ULK4: variants seen among roughly 807,000 people sequenced by gnomAD.
ULK4 encodes the protein unc-51 like kinase 4.
Under a neutral mutation model 160.6 loss-of-function variants are expected in ULK4, and 133 were observed. That is an observed-to-expected ratio of 0.83 (90% confidence interval 0.72 to 0.96). The LOEUF is 0.96. Among genes scored for constraint, ULK4 ranks in the 40% least tolerant of loss-of-function variants. The probability of loss-of-function intolerance (pLI) is 0.00; values close to 1 mark genes in which losing one functional copy is unlikely to be tolerated. For missense variants in ULK4, 1,580 were observed against 1,499.5 expected (o/e 1.05, Z -0.89); for synonymous variants, 534 against 539.8 (o/e 0.99, Z 0.15).
intron 33 of ULK4, among the ~76,000 whole-genome samples, chr3:41,456,640 T>G (rs2083561077): frequency 6.6e-6 from 1 of 152,196 alleles, no homozygotes; most frequent in Non-Finnish European, 1.5e-5. Flanking sequence ...ATGAATAATT[T>G]TATATTAAAA....
chr3:41,774,669 T>A lies in ULK4; in HGVS notation c.2193+14992A>T, dbSNP rs531835309. On this transcript the variant is annotated intron_variant, in intron 21 of 36. Coordinates refer to ENST00000301831, the MANE Select transcript of ULK4 (RefSeq NM_017886.4). ...CCATTGTGGAAGTCAGTGTGGCGAT[T>A]CCTCAGGGATCTAGAACTAGAAATA... is the stretch of plus-strand genomic sequence containing the variant. Among the ~76,000 whole-genome samples, 5 of 150,004 alleles carry A rather than the reference T, an allele frequency of 3.3e-5. No individual in the cohort carries two copies. The South Asian group carries it at 1.0e-3, about 31-fold the overall frequency.
intron 17 of ULK4, among the ~76,000 whole-genome samples, chr3:41,852,617 A>C (rs1350788320): frequency 6.6e-6 from 1 of 152,166 alleles, no homozygotes; most frequent in African/African-American, 2.4e-5. Flanking sequence ...AGGGGGAAAC[A>C]GAGAAAACAG....
At chr3:41,460,324 T>G (rs2083654234) in intron 33 of ULK4, among the ~76,000 whole-genome samples, 1 of 152,178 alleles carries the variant, frequency 6.6e-6, no homozygotes, top group African/African-American at 2.4e-5. Context: ...ATAATAAATA[T>G]TTGTCTTCCC....
chr3:41,834,642 A>G (rs774399433), intron 18 of ULK4, among the ~76,000 whole-genome samples: 3 of 152,258 alleles, frequency 2.0e-5, no homozygotes, highest in Non-Finnish European at 4.4e-5. Context: ...TATAACAATC[A>G]TGGTAACTGC....
At chr3:41,506,781 T>A (rs12633476) in intron 32 of ULK4, among the ~76,000 whole-genome samples, 2,800 of 21,974 alleles carry the variant, frequency 0.13, 349 homozygotes, top group Non-Finnish European at 0.24. Context: ...TATATATATA[T>A]ATATATATAT....
chr3:41,684,934 C>T (rs1238044742), intron 27 of ULK4, among the ~76,000 whole-genome samples: 4 of 152,172 alleles, frequency 2.6e-5, no homozygotes, highest in African/African-American at 9.7e-5. Context: ...AGCTGAAATT[C>T]CTAGCAAGCT....
At chr3:41,486,712 C>G (rs942848668) in intron 32 of ULK4, among the ~76,000 whole-genome samples, 1 of 152,084 alleles carries the variant, frequency 6.6e-6, no homozygotes, top group African/African-American at 2.4e-5. Flanking sequence ...AAAGTCCTGA[C>G]CAATTTGGGC....
intron 21 of ULK4, among the ~76,000 whole-genome samples, chr3:41,782,043 G>T (rs1361147875): frequency 1.3e-5 from 2 of 151,966 alleles, no homozygotes; most frequent in Non-Finnish European, 2.9e-5. Flanking sequence ...TTTTTTTTAG[G>T]TTTGAAACTT....
intron 22 of ULK4, among the ~76,000 whole-genome samples, chr3:41,747,578 C>G (rs1023300022): frequency 6.6e-6 from 1 of 151,952 alleles, no homozygotes; most frequent in African/African-American, 2.4e-5. Context: ...ATGTTGAAGC[C>G]CTAACCCTCA....
intron 30 of ULK4, among the ~76,000 whole-genome samples, chr3:41,631,131 A>C (rs1343854640): frequency 6.6e-6 from 1 of 152,152 alleles, no homozygotes; most frequent in Non-Finnish European, 1.5e-5. Flanking sequence ...TTTCTCCTTG[A>C]AATGTTTGTC....
In ULK4 at chr3:41,912,787, CA is replaced by C. The variant is rs748928138; in HGVS notation, c.896+19del. 6.2e-7 allele frequency: 1 copy of C among 1,609,182 alleles called. No homozygotes were observed. Among genetic ancestry groups the C allele is most frequent in the Non-Finnish European group, 8.5e-7 (1 of 1,175,780 alleles). ...GTGTCCAGTAACTATGTCCCATACA[CA>C]AAGGTAAGTGTATACTACCTGAGAC... On this transcript the variant is annotated intron_variant, in intron 9 of 36. Transcript: ENST00000301831.
At chr3:41,421,771 T>C (rs2082670105) in intron 34 of ULK4, among the ~76,000 whole-genome samples, 1 of 152,190 alleles carries the variant, frequency 6.6e-6, no homozygotes, top group South Asian at 2.1e-4. Context: ...TATAGCTTCA[T>C]GAAAATGAAC....
chr3:41,852,333 G>T (rs990026458), intron 17 of ULK4, among the ~76,000 whole-genome samples: 1 of 152,154 alleles, frequency 6.6e-6, no homozygotes, highest in Non-Finnish European at 1.5e-5. Flanking sequence ...ATTTTAAAAA[G>T]TATACTGATC....
chr3:41,371,940 A>G (rs930347476), intron 35 of ULK4, among the ~76,000 whole-genome samples: 4 of 151,988 alleles, frequency 2.6e-5, no homozygotes, highest in African/African-American at 9.7e-5. Context: ...CAGTTTAGAG[A>G]AGAACATAAA....
intron 35 of ULK4, among the ~76,000 whole-genome samples, chr3:41,346,586 G>C (rs186640532): frequency 7.7e-4 from 118 of 152,262 alleles, no homozygotes; most frequent in Middle Eastern, 6.8e-3. Flanking sequence ...GAGGCTGAAA[G>C]GGGTATGGAG....
intron 35 of ULK4, among the ~76,000 whole-genome samples, chr3:41,370,624 G>A (rs1174637149): frequency 6.6e-6 from 1 of 152,160 alleles, no homozygotes; most frequent in African/African-American, 2.4e-5. Context: ...GGAGCTATTC[G>A]GCCCAGATAC....
chr3:41,617,379 G>A (rs1046640697), intron 30 of ULK4, among the ~76,000 whole-genome samples: 1 of 152,202 alleles, frequency 6.6e-6, no homozygotes, highest in Non-Finnish European at 1.5e-5. Context: ...GCTCTGGCTG[G>A]CATCAGGCCG....
In ULK4 at chr3:41,716,291, C is replaced by CA. The variant is rs567758009; in HGVS notation, c.2456-724dup. Among the ~76,000 whole-genome samples, 9 of 149,420 alleles carry CA rather than the reference C, an allele frequency of 6.0e-5. No homozygotes were observed. In the East Asian group the frequency reaches 7.8e-4, roughly 13 times the overall value. On this transcript the variant is annotated intron_variant, in intron 23 of 36. Coordinates refer to ENST00000301831, the MANE Select transcript of ULK4 (RefSeq NM_017886.4). Reference sequence around the variant, plus strand: ...ATTACAGAACACGACTTACAACTATCAAAAAAAAGAGAATAGGTTGGAGGT... The same window carrying CA: ...ATTACAGAACACGACTTACAACTATCAAAAAAAAAGAGAATAGGTTGGAGGT...
chr3:41,499,048 G>C (rs923663192), intron 32 of ULK4, among the ~76,000 whole-genome samples: 2 of 151,878 alleles, frequency 1.3e-5, no homozygotes, highest in African/African-American at 4.9e-5. Flanking sequence ...AAATGCTGTG[G>C]TAAGTGAAAA....
Sources: allele counts gnomAD v4.1 joint callset (sites outside exome capture counted in the v4.1 genomes callset), GRCh38; gene constraint gnomAD v4.1.1; transcripts MANE v1.5; gene names NCBI Gene and HGNC (gene_info 2026-07-23, HGNC 2026-07-21).